HSD17B11: variants seen among roughly 807,000 people sequenced by gnomAD.
The protein encoded by HSD17B11 is estradiol 17-beta-dehydrogenase 11.
A neutral mutation model predicts 27.8 loss-of-function variants in HSD17B11; 22 were observed. The observed-to-expected ratio is 0.79, with a 90% CI of 0.56 to 1.13. The LOEUF (loss-of-function observed/expected upper bound fraction) is 1.13. Ranked by LOEUF, HSD17B11 falls within the 50% of genes most tolerant of loss-of-function variation. The pLI, the probability that HSD17B11 is intolerant of heterozygous loss-of-function variation, is 0.00. For missense variants in HSD17B11, 314 were observed against 351.1 expected (o/e 0.89, Z 0.84); for synonymous variants, 117 against 132.8 (o/e 0.88, Z 0.82).
intron 5 of HSD17B11, among the ~76,000 whole-genome samples, chr4:87,352,983 G>A (rs1293345459): frequency 2.9e-5 from 3 of 103,114 alleles, no homozygotes; most frequent in Non-Finnish European, 5.7e-5. Flanking sequence ...TTCGGCTCGC[G>A]CACGGTGCGC....
Position 87,360,055 on chromosome 4 carries a change from T to C in HSD17B11, c.558-2639A>G, listed in dbSNP as rs575345183. On this transcript the variant is annotated intron_variant, in intron 4 of 6. Coordinates refer to ENST00000358290, the MANE Select transcript of HSD17B11 (RefSeq NM_016245.5). ...GTAGGCATATAAAAATGATTTACTTTAGGAATAATTCATATAAAAGCAAAG... is the reference window on the plus strand; with the variant it reads ...GTAGGCATATAAAAATGATTTACTTCAGGAATAATTCATATAAAAGCAAAG... Among the ~76,000 whole-genome samples, 48 of 152,348 alleles carry C rather than the reference T, an allele frequency of 3.2e-4. 1 individual carries two copies. In the South Asian group the frequency reaches 9.7e-3, roughly 31 times the overall value.
At position 87,357,300 on chromosome 4, in the gene HSD17B11, A is replaced by G; in HGVS notation, c.674T>C (p.Phe225Ser). 1.9e-6 allele frequency: 3 copies of G among 1,611,618 alleles called. No homozygotes were observed. The highest frequency in any genetic ancestry group is 2.5e-6 in the Non-Finnish European group (3 of 1,179,274). The stretch of plus-strand genomic sequence containing the variant: ...TTACCTTGTACTTGGATTTTTGATG[A>G]AGCCAGTGTTTACGAAATTAGGACA... ...CLCPNFVNTGFIKNPSTSLGP... is the reference protein window; with the variant it reads ...CLCPNFVNTGSIKNPSTSLGP... The change falls in exon 5 of 7, where the codon TTC (phenylalanine) becomes TCC (serine). Residue 225 changes from phenylalanine (F) to serine (S), a missense_variant. Transcript: ENST00000358290.
At chr4:87,386,671 T>G (rs1250946706) in intron 1 of HSD17B11, among the ~76,000 whole-genome samples, 1 of 152,224 alleles carries the variant, frequency 6.6e-6, no homozygotes, top group African/African-American at 2.4e-5. Flanking sequence ...AAGATTTCCC[T>G]TGGTAACTTT....
chr4:87,390,774 G>C, intron 1 of HSD17B11, 87 bp downstream of exon 1: 1 of 1,140,776 alleles, frequency 8.8e-7, no homozygotes, highest in Non-Finnish European at 1.3e-6. Flanking sequence ...GCTTTGCAGA[G>C]ATGAGGTAAA....
intron 2 of HSD17B11, among the ~76,000 whole-genome samples, chr4:87,378,728 T>G (rs1189313664): frequency 7.0e-6 from 1 of 142,244 alleles, no homozygotes; most frequent in Non-Finnish European, 1.5e-5. Context: ...TCTCCAAGAG[T>G]TCGATTATTT....
rs773509387 is a variant in HSD17B11, at chr4:87,390,947, T to C, written c.124A>G (p.Thr42Ala). ...CTCCCAATTCCATGCCCAGCTCCTGTAATCAGCACGATTTCGCCGGTGACT... is the reference window on the plus strand; with the variant it reads ...CTCCCAATTCCATGCCCAGCTCCTGCAATCAGCACGATTTCGCCGGTGACT... The part of the protein sequence containing the change: ...KSVTGEIVLI[T>A]GAGHGIGRLT... The change falls in exon 1 of 7, where the codon ACA (threonine) becomes GCA (alanine). Residue 42 changes from threonine to alanine, a missense_variant. By Grantham distance (58) the Thr-to-Ala change is moderately conservative. Transcript: ENST00000358290. 2.5e-6 allele frequency: 4 copies of C among 1,614,144 alleles called. No homozygotes were observed. The highest frequency in any genetic ancestry group is 1.7e-5 in the Admixed American group (1 of 60,022).
chr4:87,388,436 G>A (rs549331847), intron 1 of HSD17B11, among the ~76,000 whole-genome samples: 71 of 152,152 alleles, frequency 4.7e-4, no homozygotes, highest in Non-Finnish European at 9.0e-4. Flanking sequence ...CCTTTCTTGT[G>A]CTTCTCTCCC....
intron 2 of HSD17B11, among the ~76,000 whole-genome samples, chr4:87,380,279 C>T (rs2110130757): frequency 6.6e-6 from 1 of 150,826 alleles, no homozygotes; most frequent in African/African-American, 2.4e-5. Flanking sequence ...TCGAGACCAT[C>T]CTGGCTAACA....
Position 87,372,830 on chromosome 4 carries a change from T to TA in HSD17B11, c.451-16dup. 1 of 1,489,432 alleles carries TA rather than the reference T, an allele frequency of 6.7e-7. No individual in the cohort carries two copies. Among genetic ancestry groups the TA allele is most frequent in the Non-Finnish European group, 9.2e-7 (1 of 1,081,824 alleles). The allele number at this position is 1,489,432 out of a possible 1,614,324, so 92.3% of individuals were successfully genotyped here. ...GCCTTTGTAGTCTACAAATAGTTTT[T>TA]ATTAAAAGAGAAAAAATACTGTATT... On this transcript the variant is annotated splice_polypyrimidine_tract_variant and intron_variant, in intron 3 of 6. Transcript: ENST00000358290.
At chr4:87,369,713 G>A (rs1218635817) in intron 4 of HSD17B11, among the ~76,000 whole-genome samples, 3 of 152,174 alleles carry the variant, frequency 2.0e-5, no homozygotes, top group Admixed American at 6.5e-5. Flanking sequence ...GGGGATTACA[G>A]GTGTCAGCCA....
intron 4 of HSD17B11, among the ~76,000 whole-genome samples, chr4:87,365,035 G>T (rs150568562): frequency 7.9e-5 from 12 of 152,340 alleles, no homozygotes; most frequent in African/African-American, 2.9e-4. Flanking sequence ...TGGGTGTGGT[G>T]GTGGGCGCCT....
At chr4:87,379,532 T>C (rs1343959753) in intron 2 of HSD17B11, among the ~76,000 whole-genome samples, 1 of 146,632 alleles carries the variant, frequency 6.8e-6, no homozygotes, top group Non-Finnish European at 1.5e-5. Context: ...CATATATACA[T>C]ATACAGCATT....
chr4:87,364,138 T>C (rs1735574174), intron 4 of HSD17B11, among the ~76,000 whole-genome samples: 4 of 148,096 alleles, frequency 2.7e-5, no homozygotes, highest in Admixed American at 2.0e-4. Context: ...TGAATTATTT[T>C]TGTTTTTTTG....
chr4:87,372,959 C>A, intron 3 of HSD17B11, 144 bp from the exon 4 acceptor site: 1 of 601,412 alleles, frequency 1.7e-6, no homozygotes, highest in Non-Finnish European at 2.9e-6. Context: ...AATGCAGCAA[C>A]AATAAGGTGA....
chr4:87,371,827 A>G (rs1353920064), intron 4 of HSD17B11, among the ~76,000 whole-genome samples: 1 of 152,172 alleles, frequency 6.6e-6, no homozygotes, highest in Non-Finnish European at 1.5e-5. Flanking sequence ...GAGGATTCTG[A>G]AGAGGAGTTC....
chr4:87,368,295 T>G (rs1175181236), intron 4 of HSD17B11, among the ~76,000 whole-genome samples: 3 of 152,004 alleles, frequency 2.0e-5, no homozygotes. Context: ...CCAGCCTGGG[T>G]GACAGAGCGA....
chr4:87,346,526 T>A (rs944272836), intron 5 of HSD17B11, among the ~76,000 whole-genome samples: 2 of 152,154 alleles, frequency 1.3e-5, no homozygotes, highest in Non-Finnish European at 2.9e-5. Flanking sequence ...GGCACGCACC[T>A]GTACTCCCAG....
intron 6 of HSD17B11, among the ~76,000 whole-genome samples, chr4:87,338,137 A>C (rs904678382): frequency 5.3e-5 from 8 of 152,196 alleles, no homozygotes; most frequent in Non-Finnish European, 1.2e-4. Context: ...GAATTGCTTG[A>C]ACCTGGGAGG....
intron 5 of HSD17B11, among the ~76,000 whole-genome samples, chr4:87,355,229 T>C (rs567123167): frequency 6.4e-4 from 97 of 152,288 alleles, no homozygotes; most frequent in East Asian, 2.9e-3. Context: ...AGGAAAATGA[T>C]GTATTATTTA....
Sources: allele counts gnomAD v4.1 joint callset (sites outside exome capture counted in the v4.1 genomes callset), GRCh38; gene constraint gnomAD v4.1.1; transcripts MANE v1.5; gene names NCBI Gene and HGNC (gene_info 2026-07-23, HGNC 2026-07-21).